GALNT13: variants seen among roughly 807,000 people sequenced by gnomAD.
GALNT13 encodes the protein polypeptide N-acetylgalactosaminyltransferase 13.
In GALNT13, 28 loss-of-function variants were observed where a neutral mutation model predicts 64.2. The observed-to-expected ratio is 0.44, with a 90% CI of 0.32 to 0.60. The LOEUF (loss-of-function observed/expected upper bound fraction) is 0.60. Among genes scored for constraint, GALNT13 ranks in the 20% least tolerant of loss-of-function variants. GALNT13 has a pLI of 0.05. For missense variants in GALNT13, 577 were observed against 669.8 expected (o/e 0.86, Z 1.53); for synonymous variants, 214 against 224.6 (o/e 0.95, Z 0.42).
At chr2:153,762,307 T>A in the GALNT13 span, 1 of 152,150 alleles carries the variant, frequency 6.6e-6, no homozygotes, top group East Asian at 1.9e-4. Context: ...ATACATTTTT[T>A]AAGGTTTTGA....
At position 154,026,244 on chromosome 2, in the gene GALNT13, T is replaced by C. The variant is rs200824023; in HGVS notation, c.142+81605T>C. Among the ~76,000 whole-genome samples the C allele has an allele frequency of 3.0e-4, 45 of 152,264 alleles. No homozygotes were observed. The East Asian group carries it at 3.5e-3, about 12-fold the overall frequency. ...TTAACTTATGGCTATATTGAGAAGA[T>C]AGTTTATGATATTTGACAACTAGTT... On this transcript the variant is annotated intron_variant, in intron 3 of 12. Transcript: ENST00000392825.
intron 4 of GALNT13, among the ~76,000 whole-genome samples, chr2:154,160,975 C>A (rs1684693082): frequency 6.6e-6 from 1 of 152,150 alleles, no homozygotes; most frequent in African/African-American, 2.4e-5. Context: ...ACTTTTCGTA[C>A]TTGCTAAAAT....
the GALNT13 span, among the ~76,000 whole-genome samples, chr2:153,160,923 A>G: frequency 6.6e-6 from 1 of 152,300 alleles, no homozygotes; most frequent in African/African-American, 2.4e-5. Context: ...ATGGAAAATG[A>G]GAGATTACTG....
chr2:154,410,484 A>G (rs932074293), intron 11 of GALNT13, among the ~76,000 whole-genome samples: 4 of 151,956 alleles, frequency 2.6e-5, no homozygotes, highest in African/African-American at 9.7e-5. Context: ...CATTCAAGGC[A>G]GGAATATCAA....
At chr2:153,598,114 C>T in the GALNT13 span, among the ~76,000 whole-genome samples, 1 of 152,076 alleles carries the variant, frequency 6.6e-6, no homozygotes, top group East Asian at 1.9e-4. Context: ...TATGTAAACC[C>T]AAAACAGATC....
the GALNT13 span, among the ~76,000 whole-genome samples, chr2:153,151,094 C>T: frequency 2.0e-5 from 3 of 151,998 alleles, no homozygotes; most frequent in African/African-American, 7.2e-5. Context: ...TTCTTCCTAC[C>T]CAAGAGCATG....
chr2:153,959,117 G>A (rs561862768), intron 3 of GALNT13, among the ~76,000 whole-genome samples: 96 of 152,354 alleles, frequency 6.3e-4, no homozygotes, highest in Middle Eastern at 3.4e-3. Flanking sequence ...ATTCCCCTAG[G>A]GGGAGGGGCT....
chr2:154,384,326 A>T (rs142058751), intron 9 of GALNT13, among the ~76,000 whole-genome samples: 1,619 of 152,036 alleles, frequency 0.011, 21 homozygotes, highest in South Asian at 0.019. Context: ...GCCTTTGGTT[A>T]TTCATGATGC....
At chr2:153,152,277 T>C in the GALNT13 span, among the ~76,000 whole-genome samples, 1 of 151,994 alleles carries the variant, frequency 6.6e-6, no homozygotes. Context: ...CCCAGGGAAA[T>C]ATCATAAATG....
chr2:154,251,043 T>G (rs543623671), intron 7 of GALNT13, among the ~76,000 whole-genome samples: 8 of 152,282 alleles, frequency 5.3e-5, no homozygotes, highest in African/African-American at 1.9e-4. Context: ...ATCTATATTC[T>G]ATGAAAGAAA....
intron 3 of GALNT13, among the ~76,000 whole-genome samples, chr2:154,082,250 G>A (rs1239518061): frequency 6.6e-6 from 1 of 151,580 alleles, no homozygotes; most frequent in Non-Finnish European, 1.5e-5. Flanking sequence ...AAGATACAAT[G>A]GAGTTGAGAT....
chr2:153,069,036 C>T, the GALNT13 span, among the ~76,000 whole-genome samples: 4 of 152,324 alleles, frequency 2.6e-5, no homozygotes, highest in East Asian at 5.8e-4. Flanking sequence ...TTTAACCACA[C>T]TTAAGCATTC....
chr2:154,134,401 G>T (rs545892318), intron 3 of GALNT13, among the ~76,000 whole-genome samples: 2 of 152,030 alleles, frequency 1.3e-5, no homozygotes, highest in Non-Finnish European at 2.9e-5. Context: ...GATGAGAAAA[G>T]GAATAATTCT....
intron 10 of GALNT13, among the ~76,000 whole-genome samples, chr2:154,399,507 G>A (rs1240429733): frequency 1.3e-5 from 2 of 152,122 alleles, no homozygotes; most frequent in Non-Finnish European, 2.9e-5. Flanking sequence ...GGGCAGGACA[G>A]CTCCCTTCAA....
chr2:153,590,409 A>G, the GALNT13 span, among the ~76,000 whole-genome samples: 1 of 152,156 alleles, frequency 6.6e-6, no homozygotes, highest in East Asian at 1.9e-4. Flanking sequence ...AAATATACAA[A>G]GGAGAACTAA....
chr2:153,736,902 C>T, the GALNT13 span, among the ~76,000 whole-genome samples: 9 of 152,334 alleles, frequency 5.9e-5, no homozygotes, highest in East Asian at 3.9e-4. Context: ...CCACCCACTC[C>T]GAGTGCAGTT....
intron 11 of GALNT13, among the ~76,000 whole-genome samples, chr2:154,438,215 T>A (rs1300844887): frequency 6.6e-6 from 1 of 152,220 alleles, no homozygotes; most frequent in Admixed American, 6.5e-5. Context: ...ATTGGAGAAC[T>A]GGTCATACAA....
chr2:153,785,193 T>C, the GALNT13 span, among the ~76,000 whole-genome samples: 12 of 152,044 alleles, frequency 7.9e-5, no homozygotes, highest in East Asian at 2.1e-3. Flanking sequence ...GGGGCTGGAG[T>C]GGACCCTCAG....
At chr2:153,556,496 A>G in the GALNT13 span, among the ~76,000 whole-genome samples, 26,734 of 152,224 alleles carry the variant, frequency 0.18, 2,454 homozygotes, top group South Asian at 0.25. Context: ...AGATTTCCTT[A>G]CTAATTCTTA....
Sources: gnomAD v4.1 joint callset for allele counts (sites outside exome capture counted in the v4.1 genomes callset) on GRCh38, gnomAD v4.1.1 for gene constraint, MANE v1.5 for transcripts, NCBI Gene and HGNC (gene_info 2026-07-23, HGNC 2026-07-21) for gene names.